The following FHIT variants were observed in gnomAD, a reference collection of about 807,000 sequenced individuals.
The protein encoded by FHIT is fragile histidine triad diadenosine triphosphatase.
Under a neutral mutation model 17.9 loss-of-function variants are expected in FHIT, and 19 were observed. That is an observed-to-expected ratio of 1.06 (90% CI 0.74 to 1.56). FHIT has a LOEUF of 1.56. Among genes scored for constraint, FHIT ranks in the 40% most tolerant of loss-of-function variants. The probability of loss-of-function intolerance (pLI) is 0.00; values close to 1 mark genes in which losing one functional copy is unlikely to be tolerated. For missense variants in FHIT, 248 were observed against 189.2 expected (o/e 1.31, Z -1.82); for synonymous variants, 81 against 69.7 (o/e 1.16, Z -0.81).
chr3:61,069,377 C>T (rs1250368363), intron 2 of FHIT, among the ~76,000 whole-genome samples: 4 of 152,136 alleles, frequency 2.6e-5, no homozygotes, highest in Non-Finnish European at 5.9e-5. Flanking sequence ...GTCACACACC[C>T]CAGTGATTCT....
At chr3:59,971,788 T>C (rs765150265) in intron 7 of FHIT, among the ~76,000 whole-genome samples, 3 of 152,172 alleles carry the variant, frequency 2.0e-5, no homozygotes, top group Non-Finnish European at 2.9e-5. Flanking sequence ...GAGTTCAGTT[T>C]TCTCGTCTAT....
chr3:60,383,854 A>G (rs1700903100), intron 5 of FHIT, among the ~76,000 whole-genome samples: 1 of 152,286 alleles, frequency 6.6e-6, no homozygotes, highest in South Asian at 2.1e-4. Flanking sequence ...ACCTTTAAAT[A>G]CTGTTGGGTC....
chr3:60,395,586 TAG>T (rs1040007376), intron 5 of FHIT, among the ~76,000 whole-genome samples: 6 of 152,218 alleles, frequency 3.9e-5, no homozygotes, highest in Admixed American at 6.5e-5. Flanking sequence ...ATGAGCTAGA[TAG>T]AGAGTCTTCC....
chr3:60,170,393 AC>A (rs1337279400), intron 5 of FHIT, among the ~76,000 whole-genome samples: 4 of 151,946 alleles, frequency 2.6e-5, no homozygotes, highest in African/African-American at 9.7e-5. Flanking sequence ...TGAGCCAATA[AC>A]TCCTCCTGTT....
At chr3:60,116,407 C>A (rs1704965140) in intron 5 of FHIT, among the ~76,000 whole-genome samples, 1 of 152,154 alleles carries the variant, frequency 6.6e-6, no homozygotes. Flanking sequence ...ACTCGATCCT[C>A]AGCCTTCAAT....
intron 5 of FHIT, among the ~76,000 whole-genome samples, chr3:60,242,217 A>G (rs1705163796): frequency 6.6e-6 from 1 of 152,156 alleles, no homozygotes; most frequent in Non-Finnish European, 1.5e-5. Context: ...ATCACATGGT[A>G]TTAAATAGAT....
intron 8 of FHIT, among the ~76,000 whole-genome samples, chr3:59,752,590 C>T (rs1459352629): frequency 1.3e-5 from 2 of 152,148 alleles, no homozygotes; most frequent in African/African-American, 4.8e-5. Flanking sequence ...GCCCATATCT[C>T]ATGTCAAATT....
At chr3:60,503,464 A>C (rs2107527994) in intron 5 of FHIT, among the ~76,000 whole-genome samples, 1 of 152,278 alleles carries the variant, frequency 6.6e-6, no homozygotes, top group South Asian at 2.1e-4. Flanking sequence ...TTTTCTTTGA[A>C]TACTTCACTC....
At chr3:60,533,866 G>A (rs2035878726) in intron 5 of FHIT, among the ~76,000 whole-genome samples, 1 of 152,166 alleles carries the variant, frequency 6.6e-6, no homozygotes, top group South Asian at 2.1e-4. Context: ...AGAGAAGAAT[G>A]ATATGGTCAG....
At chr3:60,146,655 G>T (rs1700255216) in intron 5 of FHIT, among the ~76,000 whole-genome samples, 1 of 152,126 alleles carries the variant, frequency 6.6e-6, no homozygotes, top group African/African-American at 2.4e-5. Flanking sequence ...GGATGAGGCA[G>T]GACTCGCCTG....
intron 3 of FHIT, among the ~76,000 whole-genome samples, chr3:60,962,959 G>T (rs1202641010): frequency 6.6e-6 from 1 of 152,204 alleles, no homozygotes; most frequent in Non-Finnish European, 1.5e-5. Context: ...GAGTTAGGGA[G>T]GATTTCCTCT....
chr3:61,191,146 G>C (rs2038703911), intron 2 of FHIT, among the ~76,000 whole-genome samples: 1 of 152,116 alleles, frequency 6.6e-6, no homozygotes, highest in African/African-American at 2.4e-5. Context: ...CCCTGTGCTG[G>C]TTAATTTTCT....
At chr3:61,044,099 C>T (rs1268552303) in intron 2 of FHIT, among the ~76,000 whole-genome samples, 4 of 152,076 alleles carry the variant, frequency 2.6e-5, no homozygotes, top group South Asian at 2.1e-4. Context: ...CGCAGCTGCT[C>T]GCCAGCAAGG....
intron 3 of FHIT, among the ~76,000 whole-genome samples, chr3:60,910,580 T>C (rs1004799442): frequency 9.9e-5 from 15 of 151,824 alleles, no homozygotes; most frequent in African/African-American, 3.4e-4. Context: ...CCCGGCTAAT[T>C]TTTTGTATTT....
At chr3:60,073,563 C>T (rs1208165308) in intron 5 of FHIT, among the ~76,000 whole-genome samples, 2 of 152,078 alleles carry the variant, frequency 1.3e-5, no homozygotes, top group Admixed American at 6.6e-5. Flanking sequence ...TCAAAAGAGA[C>T]GCTGATATTA....
intron 3 of FHIT, among the ~76,000 whole-genome samples, chr3:61,018,672 G>A (rs959887191): frequency 6.6e-6 from 1 of 152,198 alleles, no homozygotes; most frequent in Non-Finnish European, 1.5e-5. Flanking sequence ...AATCTTTCCA[G>A]TATATTTCTC....
At chr3:60,338,817 A>T (rs926519155) in intron 5 of FHIT, among the ~76,000 whole-genome samples, 1 of 152,208 alleles carries the variant, frequency 6.6e-6, no homozygotes, top group Non-Finnish European at 1.5e-5. Context: ...TACGCAAAAC[A>T]CCAACTGCAA....
At chr3:60,281,677 CA>C (rs1431228337) in intron 5 of FHIT, among the ~76,000 whole-genome samples, 3 of 148,302 alleles carry the variant, frequency 2.0e-5, no homozygotes, top group Non-Finnish European at 4.5e-5. Flanking sequence ...AAAATAAACT[CA>C]AAACGCATCA....
At chr3:61,107,406 G>C (rs2036022251) in intron 2 of FHIT, among the ~76,000 whole-genome samples, 2 of 152,064 alleles carry the variant, frequency 1.3e-5, no homozygotes, top group South Asian at 4.2e-4. Context: ...CTGAATCTTA[G>C]CTATTATGAA....
Sources: gnomAD v4.1 joint callset for allele counts (sites outside exome capture counted in the v4.1 genomes callset) on GRCh38, gnomAD v4.1.1 for gene constraint, MANE v1.5 for transcripts, NCBI Gene and HGNC (gene_info 2026-07-23, HGNC 2026-07-21) for gene names.